HDAC5: variants seen among roughly 807,000 people sequenced by gnomAD.
The protein encoded by HDAC5 is histone deacetylase 5.
HDAC5 carries 25 observed loss-of-function variants against 133.3 expected under a neutral mutation model. The ratio of observed to expected loss-of-function variants is 0.19; its 90% confidence interval spans 0.14 to 0.26. The LOEUF is 0.26. Among genes scored for constraint, HDAC5 ranks in the 10% least tolerant of loss-of-function variants. The pLI is 1.00. For synonymous variants in HDAC5, 589 were observed against 610.8 expected (o/e 0.96, Z 0.53); for missense variants, 1,041 against 1,460.5 (o/e 0.71, Z 4.68).
chr17:44,095,668 CTA>C (rs1489909171), intron 3 of HDAC5, among the ~76,000 whole-genome samples: 1 of 151,524 alleles, frequency 6.6e-6, no homozygotes, highest in Non-Finnish European at 1.5e-5. Flanking sequence ...GAAAATGCCG[CTA>C]TATATAGAGT....
In HDAC5 at chr17:44,092,823, G is replaced by GGGCCCGGGGGGGCCCCC; in HGVS notation, c.642-18_642-17insGGGGGCCCCCCCGGGCC. 1 of 666,256 alleles carries GGGCCCGGGGGGGCCCCC rather than the reference G, an allele frequency of 1.5e-6. No individual in the cohort carries two copies. The highest frequency in any genetic ancestry group is 2.4e-6 in the Non-Finnish European group (1 of 422,862). The allele number at this position is 666,256 out of a possible 1,614,324, so 41.3% of individuals were successfully genotyped here. On this transcript the variant is annotated splice_polypyrimidine_tract_variant and intron_variant, in intron 6 of 26. Transcript: ENST00000682912. ...TGGGCTCCCCTGGGGTGGGGGGGGG[G>GGGCCCGGGGGGGCCCCC]TGGGGATGGAAGCAGATCTAGGTTA... is the stretch of plus-strand genomic sequence containing the variant.
intron 3 of HDAC5, among the ~76,000 whole-genome samples, chr17:44,103,858 G>A (rs567053817): frequency 4.6e-5 from 7 of 151,948 alleles, no homozygotes; most frequent in African/African-American, 1.7e-4. Context: ...ACAGGCATAC[G>A]CCACCATGCC....
chr17:44,104,014 G>A (rs1028185341), intron 3 of HDAC5, among the ~76,000 whole-genome samples: 6 of 151,832 alleles, frequency 4.0e-5, no homozygotes, highest in African/African-American at 1.5e-4. Context: ...GGCCTTCTCA[G>A]GATGTTTCTG....
At position 44,084,796 on chromosome 17, in the gene HDAC5, A is replaced by G; in HGVS notation, c.2185-121T>C. ...CTCAGGAGATCCAAATATTTTCAGA[A>G]AGTAGATCCTGGCTCTGTCATGACC... On this transcript the variant is annotated intron_variant, in intron 15 of 26. Transcript: ENST00000682912. 5.1e-6 allele frequency: 7 copies of G among 1,371,650 alleles called. No homozygotes were observed. The South Asian group carries it at 9.5e-5, about 19-fold the overall frequency. 85.0% of individuals were successfully genotyped at this position (1,371,650 alleles called of 1,614,324 possible).
chr17:44,083,337 A>G (rs942371167), intron 18 of HDAC5, among the ~76,000 whole-genome samples: 3 of 152,200 alleles, frequency 2.0e-5, no homozygotes, highest in African/African-American at 7.2e-5. Context: ...GCCTCGAGAC[A>G]CCCACGAGAG....
At position 44,093,463 on chromosome 17, in the gene HDAC5, G is replaced by A. The variant is rs971637076; in HGVS notation, c.377C>T (p.Ala126Val). 6.2e-7 allele frequency: 1 copy of A among 1,605,700 alleles called. No homozygotes were observed. ...HLKQQQEMLA[A>V]KQQQEMLAAK... ...TGCCAGCATCTCCTGCTGCTGCTTG[G>A]CTGCCAGCATCTCCTGCTGCTGCTG... is the stretch of plus-strand genomic sequence containing the variant. Residue 126 changes from alanine (A) to valine (V), a missense_variant, in exon 5 of 27, where the codon GCC becomes GTC. Transcript: ENST00000682912.
intron 1 of HDAC5, among the ~76,000 whole-genome samples, chr17:44,118,926 GAGCCCAGA>G (rs774769547): frequency 5.8e-4 from 89 of 152,248 alleles, no homozygotes; most frequent in Non-Finnish European, 9.1e-4. Flanking sequence ...GGTCCATTTG[GAGCCCAGA>G]AGCCCAGAAG....
In HDAC5 at chr17:44,091,298, C is replaced by T. The variant is rs956984209; in HGVS notation, c.1359G>A (p.Gln453=). 6.2e-7 allele frequency: 1 copy of T among 1,612,080 alleles called. No homozygotes were observed. Among genetic ancestry groups the T allele is most frequent in the African/African-American group, 1.3e-5 (1 of 75,066 alleles). The change falls in exon 11 of 27, where the codon CAG becomes CAA. Residue 453 remains glutamine (Q), a synonymous_variant. Transcript: ENST00000682912. ...SLLQHVLLLE[Q]ARQQSTLIAV... ...CAATGAGGGTGCTCTGCTGCCGGGC[C>T]TGCTCCAGCAACAGCACATGCTGCA...
rs760273870 is a variant in HDAC5, at chr17:44,092,428, C to T, written c.872G>A (p.Ser291Asn). The T allele has an allele frequency of 7.4e-6, 12 of 1,614,074 alleles. No homozygotes were observed. The highest frequency in any genetic ancestry group is 1.0e-5 in the Non-Finnish European group (12 of 1,179,966). The change falls in exon 8 of 27, where the codon AGC (serine) becomes AAC (asparagine). Residue 291 changes from serine (S) to asparagine (N), a missense_variant. Physicochemically the swap from Ser to Asn is conservative, Grantham distance 46. Around this residue, in one of 9 missense-constraint regions of HDAC5, gnomAD observed 433 missense variants for 531.6 expected, o/e 0.81. Transcript: ENST00000682912. ...LLRRKDGTVI[S>N]TFKKRAVEIT... ...CTCAACAGCTCTCTTCTTAAAGGTG[C>T]TAATAACAGTCCCATCCTTGCGACG...
chr17:44,087,380 G>A (rs775051476), intron 13 of HDAC5, 32 bp downstream of exon 13: 27 of 762,834 alleles, frequency 3.5e-5, no homozygotes, highest in Middle Eastern at 4.7e-4. Flanking sequence ...GAGGGGTGGT[G>A]ACCAAGGACT....
chr17:44,103,323 C>T (rs943704790), intron 3 of HDAC5, among the ~76,000 whole-genome samples: 11 of 152,240 alleles, frequency 7.2e-5, no homozygotes, highest in Non-Finnish European at 1.6e-4. Flanking sequence ...ACTATTTCCA[C>T]ATAGGCAAGC....
rs1271820264 is a variant in HDAC5 at position 44,092,580 on chromosome 17, A to G, written c.773-53T>C. 2.5e-6 allele frequency: 4 copies of G among 1,579,402 alleles called. No homozygotes were observed. The East Asian group carries it at 9.0e-5, about 36-fold the overall frequency. ...TACGCGCACAGCAGCACACATCTGCAGCTGAGCCCACTGGGGTCAGGGCTG... is the reference window on the plus strand; with the variant it reads ...TACGCGCACAGCAGCACACATCTGCGGCTGAGCCCACTGGGGTCAGGGCTG... On this transcript the variant is annotated intron_variant, in intron 7 of 26. Coordinates refer to ENST00000682912, the MANE Select transcript of HDAC5 (RefSeq NM_005474.5).
intron 1 of HDAC5, among the ~76,000 whole-genome samples, chr17:44,121,808 A>G (rs1404360638): frequency 1.3e-5 from 2 of 152,110 alleles, no homozygotes; most frequent in Non-Finnish European, 2.9e-5. Flanking sequence ...ATATATTGGA[A>G]AAGAAGGGGA....
At chr17:44,110,153 G>T (rs1365551594) in intron 3 of HDAC5, among the ~76,000 whole-genome samples, 1 of 152,238 alleles carries the variant, frequency 6.6e-6, no homozygotes, top group Non-Finnish European at 1.5e-5. Flanking sequence ...AGGCAGCCAA[G>T]CCCCTCAATA....
intron 2 of HDAC5, 113 bp from the exon 3 acceptor site, chr17:44,110,913 A>G (rs561879938): frequency 3.9e-5 from 34 of 869,556 alleles, no homozygotes; most frequent in South Asian, 3.4e-4. Context: ...CGGGGAGCAG[A>G]CCGAAGGGAA....
At chr17:44,091,950 TC>T in intron 9 of HDAC5, 119 bp from the exon 10 acceptor site, 1 of 1,235,664 alleles carries the variant, frequency 8.1e-7, no homozygotes, top group Non-Finnish European at 1.1e-6. Flanking sequence ...TACCCTGAGC[TC>T]CCACTGAGGG....
In HDAC5 at chr17:44,082,747, A is replaced by G; in HGVS notation, c.2519+18T>C. Reference sequence around the variant, plus strand: ...AAGAGACAGGAAGGGGCGAGGGCAGAGAATCTAGGGCACTCACATGGCTGT... The same window carrying G: ...AAGAGACAGGAAGGGGCGAGGGCAGGGAATCTAGGGCACTCACATGGCTGT... On this transcript the variant is annotated intron_variant, in intron 19 of 26. Coordinates refer to ENST00000682912, the MANE Select transcript of HDAC5 (RefSeq NM_005474.5). The G allele has an allele frequency of 6.3e-7, 1 of 1,594,036 alleles. No individual in the cohort carries two copies.
intron 24 of HDAC5, 129 bp downstream of exon 24, chr17:44,079,014 GA>G: frequency 6.6e-7 from 1 of 1,507,078 alleles, no homozygotes; most frequent in Non-Finnish European, 9.1e-7. Context: ...CGCATACTCA[GA>G]AAGCCTGGCC....
intron 3 of HDAC5, among the ~76,000 whole-genome samples, chr17:44,097,610 T>C (rs965551292): frequency 2.3e-4 from 35 of 151,896 alleles, no homozygotes; most frequent in African/African-American, 8.5e-4. Flanking sequence ...GGCCGGAGGG[T>C]TATCTGTTCT....
Sources: allele counts gnomAD v4.1 joint callset (sites outside exome capture counted in the v4.1 genomes callset), GRCh38; gene constraint gnomAD v4.1.1; regional missense constraint gnomAD v4.1.1; transcripts MANE v1.5; gene names NCBI Gene and HGNC (gene_info 2026-07-23, HGNC 2026-07-21).